The following TGM6 variants were observed in gnomAD, a reference collection of about 807,000 sequenced individuals.
TGM6 encodes the protein protein-glutamine gamma-glutamyltransferase 6.
In TGM6, 74 loss-of-function variants were observed where a neutral mutation model predicts 77.5. The observed-to-expected ratio is 0.96, with a 90% confidence interval of 0.79 to 1.16. TGM6 has a LOEUF of 1.16. Ranked by LOEUF, TGM6 falls within the 50% of genes most tolerant of loss-of-function variation. The pLI is 0.00. For synonymous variants in TGM6, 383 were observed against 378.9 expected (o/e 1.01, Z -0.12); for missense variants, 968 against 940.2 (o/e 1.03, Z -0.39).
chr20:2,387,485 A>G (rs1474593788), intron 1 of TGM6, among the ~76,000 whole-genome samples: 3 of 152,174 alleles, frequency 2.0e-5, no homozygotes, highest in Admixed American at 6.5e-5. Flanking sequence ...TGTGTCAGCT[A>G]TGTGAGTTCC....
rs1404374284 is a variant in TGM6 at position 2,395,200 on chromosome 20, G to A, written c.188G>A (p.Arg63Gln). The change falls in exon 3 of 13, where the codon CGG becomes CAG. Residue 63 changes from arginine to glutamine, a missense_variant. Transcript: ENST00000202625. ...TCCCTCTCCTCTCCTCCAGGACCCC[G>A]GGCTTCTGAGGCCCTCCACACCAAA... ...ILIFTMETGP[R>Q]ASEALHTKAV... The A allele has an allele frequency of 8.1e-6, 13 of 1,613,108 alleles. No individual in the cohort carries two copies. The highest frequency in any genetic ancestry group is 2.2e-5 in the South Asian group (2 of 91,046).
chr20:2,395,049 C>A lies in TGM6; in HGVS notation c.182-145C>A, dbSNP rs151160871. 2.6e-5 allele frequency: 35 copies of A among 1,366,648 alleles called. 1 individual carries two copies. In the East Asian group the frequency reaches 8.7e-4, roughly 34 times the overall value. The allele number at this position is 1,366,648 out of a possible 1,614,324, so 84.7% of individuals were successfully genotyped here. ...GGACCCTCACTTGGCCACTGGCCTT[C>A]TTGCTCTTTGTCAGGTCCTTCTCCC... On this transcript the variant is annotated intron_variant, in intron 2 of 12. Coordinates refer to ENST00000202625, the MANE Select transcript of TGM6 (RefSeq NM_198994.3).
At chr20:2,392,213 T>G (rs2084633430) in intron 1 of TGM6, among the ~76,000 whole-genome samples, 1 of 152,266 alleles carries the variant, frequency 6.6e-6, no homozygotes, top group Non-Finnish European at 1.5e-5. Flanking sequence ...GTCTGTAGCA[T>G]CCAGCACAAT....
intron 2 of TGM6, 22 bp downstream of exon 2, chr20:2,394,647 C>T (rs2084650548): frequency 1.9e-6 from 3 of 1,595,002 alleles, no homozygotes; most frequent in South Asian, 2.3e-5. Context: ...TGCCAGCACC[C>T]TCTTCTCGTC....
chr20:2,406,289 G>T (rs1466065327), intron 9 of TGM6, among the ~76,000 whole-genome samples: 1 of 152,014 alleles, frequency 6.6e-6, no homozygotes, highest in African/African-American at 2.4e-5. Flanking sequence ...TTAGAACGTG[G>T]GGTCTAGCCT....
chr20:2,394,883 G>A (rs1436810298), intron 2 of TGM6, among the ~76,000 whole-genome samples: 2 of 152,190 alleles, frequency 1.3e-5, no homozygotes, highest in African/African-American at 2.4e-5. Flanking sequence ...GGCTCTGGAA[G>A]GGTATGAAAA....
At chr20:2,394,697 G>GA (rs1208647651) in intron 2 of TGM6, 72 bp downstream of exon 2, 1 of 1,499,478 alleles carries the variant, frequency 6.7e-7, no homozygotes, top group African/African-American at 1.4e-5. Context: ...AGTAACATAA[G>GA]ACCTTGCAGT....
intron 4 of TGM6, 82 bp downstream of exon 4, chr20:2,396,706 C>A: frequency 7.6e-7 from 1 of 1,312,420 alleles, no homozygotes; most frequent in Non-Finnish European, 1.1e-6. Context: ...TGTCTGCTCA[C>A]TCTTCTCAGG....
chr20:2,403,243 G>A (rs1300035981), intron 7 of TGM6, among the ~76,000 whole-genome samples, 154 bp from the exon 8 acceptor site: 1 of 152,150 alleles, frequency 6.6e-6, no homozygotes, highest in Non-Finnish European at 1.5e-5. Flanking sequence ...ATATGTGAAT[G>A]CTGTGTGCTC....
chr20:2,382,458 C>G (rs77394612), intron 1 of TGM6, among the ~76,000 whole-genome samples: 1 of 152,148 alleles, frequency 6.6e-6, no homozygotes, highest in Non-Finnish European at 1.5e-5. Flanking sequence ...CTTGACAGTG[C>G]GAAGGTTAGT....
At position 2,395,221 on chromosome 20, in the gene TGM6, C is replaced by G; in HGVS notation, c.209C>G (p.Thr70Ser). 2.5e-6 allele frequency: 4 copies of G among 1,613,944 alleles called. No homozygotes were observed. In the African/African-American group the frequency reaches 4.0e-5, roughly 16 times the overall value. Residue 70 changes from threonine (T) to serine (S), a missense_variant, in exon 3 of 13, where the codon ACC (threonine) becomes AGC (serine). By Grantham distance (58) the Thr-to-Ser change is moderately conservative. Coordinates refer to ENST00000202625, the MANE Select transcript of TGM6 (RefSeq NM_198994.3). ...CCCCGGGCTTCTGAGGCCCTCCACA[C>G]CAAAGCTGTGTTCCAGACATCGGAG... ...TGPRASEALH[T>S]KAVFQTSELE...
At chr20:2,401,550 A>C (rs956438418) in intron 7 of TGM6, among the ~76,000 whole-genome samples, 15 of 152,242 alleles carry the variant, frequency 9.9e-5, no homozygotes, top group African/African-American at 3.1e-4. Context: ...TAATGTTTTA[A>C]GTAATAACGT....
At chr20:2,403,315 G>C in intron 7 of TGM6, 82 bp from the exon 8 acceptor site, 18 of 1,459,878 alleles carry the variant, frequency 1.2e-5, no homozygotes, top group Non-Finnish European at 1.7e-5. Context: ...AAAGTAGGGA[G>C]CCCAGGGCCT....
At chr20:2,426,269 G>T (rs1392279063) in intron 10 of TGM6, among the ~76,000 whole-genome samples, 1 of 151,992 alleles carries the variant, frequency 6.6e-6, no homozygotes, top group Non-Finnish European at 1.5e-5. Context: ...GCTAACATAA[G>T]TGGTATTATG....
intron 6 of TGM6, among the ~76,000 whole-genome samples, chr20:2,400,072 C>T (rs967235838): frequency 6.6e-6 from 1 of 152,186 alleles, no homozygotes; most frequent in Non-Finnish European, 1.5e-5. Flanking sequence ...TGTCTACTTA[C>T]ATGAGGTGGC....
At chr20:2,388,884 G>A (rs1434829438) in intron 1 of TGM6, among the ~76,000 whole-genome samples, 1 of 152,204 alleles carries the variant, frequency 6.6e-6, no homozygotes, top group Non-Finnish European at 1.5e-5. Flanking sequence ...GTGTCCTTTG[G>A]TGGGGAGTAC....
At chr20:2,428,195 T>C (rs1279901408) in intron 10 of TGM6, among the ~76,000 whole-genome samples, 7 of 152,216 alleles carry the variant, frequency 4.6e-5, no homozygotes, top group Non-Finnish European at 8.8e-5. Flanking sequence ...TTGAGAAGAA[T>C]GCGTATCCTG....
In TGM6 at chr20:2,403,633, G is replaced by T. The variant is rs772641941; in HGVS notation, c.1146G>T (p.Val382=). 2.1e-5 allele frequency: 34 copies of T among 1,614,090 alleles called. No homozygotes were observed. The highest frequency in any genetic ancestry group is 1.2e-4 in the Admixed American group (7 of 60,008). ...ASVTAIREGD[V]HLAHDGPFVF... is the part of the protein sequence containing the mutation. ...TCACCGCCATCCGCGAGGGTGATGT[G>T]CACCTGGCTCACGATGGCCCCTTCG... Residue 382 remains valine (V), a synonymous_variant, in exon 9 of 13, where the codon GTG becomes GTT. Coordinates refer to ENST00000202625, the MANE Select transcript of TGM6 (RefSeq NM_198994.3).
chr20:2,406,786 G>A (rs544178019), intron 9 of TGM6, among the ~76,000 whole-genome samples: 2 of 127,846 alleles, frequency 1.6e-5, no homozygotes, highest in African/African-American at 2.8e-5. Context: ...AGTGAGCCAG[G>A]ATCGCACACT....
Sources: gnomAD v4.1 joint callset for allele counts (sites outside exome capture counted in the v4.1 genomes callset) on GRCh38, gnomAD v4.1.1 for gene constraint, MANE v1.5 for transcripts, NCBI Gene and HGNC (gene_info 2026-07-23, HGNC 2026-07-21) for gene names.